The following SOX5 variants were observed in gnomAD, a reference collection of about 807,000 sequenced individuals.
The protein encoded by SOX5 is SRY-box transcription factor 5.
SOX5 carries 9 observed loss-of-function variants against 92.0 expected under a neutral mutation model. The observed-to-expected ratio is 0.10, with a 90% confidence interval of 0.06 to 0.17. The LOEUF is 0.17. Among genes scored for constraint, SOX5 ranks in the 10% least tolerant of loss-of-function variants. SOX5 has a pLI of 1.00. For synonymous variants in SOX5, 344 were observed against 336.3 expected, an observed-to-expected ratio of 1.02 and a Z score of -0.25; for missense variants, 642 against 944.5, an observed-to-expected ratio of 0.68 and a Z score of 4.20.
intron 2 of SOX5, among the ~76,000 whole-genome samples, chr12:23,894,354 C>T (rs1047178372): frequency 2.3e-4 from 35 of 152,142 alleles, no homozygotes; most frequent in Middle Eastern, 3.4e-3. Context: ...CAACTTCCCA[C>T]GTAGCTGGGA....
intron 3 of SOX5, among the ~76,000 whole-genome samples, chr12:23,804,502 G>A (rs2095721011): frequency 6.6e-6 from 1 of 152,036 alleles, no homozygotes; most frequent in African/African-American, 2.4e-5. Flanking sequence ...AGCTTTTCAG[G>A]TCCTAACCCA....
chr12:23,618,448 A>T (rs1233321483), intron 8 of SOX5, among the ~76,000 whole-genome samples: 1 of 152,142 alleles, frequency 6.6e-6, no homozygotes, highest in Non-Finnish European at 1.5e-5. Flanking sequence ...TTCTAACTCA[A>T]TATAAAGACA....
intron 1 of SOX5, among the ~76,000 whole-genome samples, chr12:23,933,806 A>C (rs968483201): frequency 2.0e-5 from 3 of 151,552 alleles, no homozygotes; most frequent in Non-Finnish European, 4.4e-5. Flanking sequence ...ACCTGGAGCA[A>C]ATTTAAGGAC....
intron 1 of SOX5, among the ~76,000 whole-genome samples, chr12:24,374,231 G>T (rs371271303): frequency 6.6e-6 from 1 of 152,018 alleles, no homozygotes; most frequent in Non-Finnish European, 1.5e-5. Context: ...AAAGGAATCC[G>T]CAGCCCTGTG....
intron 1 of SOX5, among the ~76,000 whole-genome samples, chr12:24,413,497 G>A (rs1012447820): frequency 6.6e-6 from 1 of 152,138 alleles, no homozygotes; most frequent in African/African-American, 2.4e-5. Context: ...AACTTCTGAT[G>A]ACAATGAACT....
chr12:24,373,533 C>T (rs1956951466), intron 1 of SOX5, among the ~76,000 whole-genome samples: 1 of 152,046 alleles, frequency 6.6e-6, no homozygotes, highest in Non-Finnish European at 1.5e-5. Context: ...TTTTTATCAC[C>T]ACAATAAATA....
intron 13 of SOX5, among the ~76,000 whole-genome samples, chr12:23,539,234 C>A (rs1446887444): frequency 3.9e-5 from 6 of 152,028 alleles, no homozygotes; most frequent in African/African-American, 1.2e-4. Context: ...CCTTGGAATG[C>A]GAGAGCTGTT....
At chr12:23,727,554 C>T (rs1400900407) in intron 6 of SOX5, among the ~76,000 whole-genome samples, 1 of 152,010 alleles carries the variant, frequency 6.6e-6, no homozygotes, top group African/African-American at 2.4e-5. Context: ...TCAAGGAACA[C>T]TTTATACTTG....
At chr12:23,887,854 A>G (rs1202091890) in intron 2 of SOX5, among the ~76,000 whole-genome samples, 1 of 151,870 alleles carries the variant, frequency 6.6e-6, no homozygotes, top group African/African-American at 2.4e-5. Context: ...TATGGCAAAA[A>G]CAAAACTATA....
chr12:24,302,322 T>C lies in SOX5; in HGVS notation c.-173-25010A>G, dbSNP rs185031291. ...ATCTGCTTATATGAATTTAACATTG[T>C]TATAGGTCTATTCACAAATATCTTG... On this transcript the variant is annotated intron_variant, in intron 2 of 4. Transcript: ENST00000446891. 1.4e-3 allele frequency among the ~76,000 whole-genome samples: 209 copies of C among 152,338 alleles called. 1 individual carries two copies. The highest frequency in any genetic ancestry group is 6.8e-3 in the Middle Eastern group (2 of 294).
intron 2 of SOX5, among the ~76,000 whole-genome samples, chr12:24,288,938 G>GTCTTCT (rs79158528): frequency 0.96 from 145,803 of 152,132 alleles, 70,202 homozygotes; most frequent in East Asian, 1. Flanking sequence ...GTCTCATGAT[G>GTCTTCT]GGAGGTATCT....
intron 1 of SOX5, among the ~76,000 whole-genome samples, chr12:23,911,908 G>A (rs1210718582): frequency 1.3e-5 from 2 of 152,060 alleles, no homozygotes; most frequent in Admixed American, 6.6e-5. Flanking sequence ...TGCTACATTC[G>A]ACACCAAACA....
intron 4 of SOX5, among the ~76,000 whole-genome samples, chr12:24,172,258 C>A (rs768070433): frequency 6.6e-6 from 1 of 151,966 alleles, no homozygotes; most frequent in Non-Finnish European, 1.5e-5. Flanking sequence ...CAGTTTGGGC[C>A]GGGCGCAGTG....
chr12:23,875,912 G>A (rs761399105), intron 2 of SOX5, among the ~76,000 whole-genome samples: 65 of 152,064 alleles, frequency 4.3e-4, no homozygotes, highest in Non-Finnish European at 7.9e-4. Context: ...ACAAGCTATC[G>A]GGCCTCTATT....
At chr12:23,991,425 A>G (rs1950549590) in intron 4 of SOX5, among the ~76,000 whole-genome samples, 1 of 151,896 alleles carries the variant, frequency 6.6e-6, no homozygotes, top group Admixed American at 6.6e-5. Context: ...AAATATATTG[A>G]TATTTCTGCA....
At position 23,600,552 on chromosome 12, in the gene SOX5, T is replaced by TATATATATATATATAC. The variant is rs745640453; in HGVS notation, c.1164+3834_1164+3835insGTATATATATATATAT. Among the ~76,000 whole-genome samples, 891 of 94,988 alleles carry TATATATATATATATAC rather than the reference T, an allele frequency of 9.4e-3. 10 individuals carry two copies. Among genetic ancestry groups the TATATATATATATATAC allele is most frequent in the Non-Finnish European group, 0.012 (487 of 42,046 alleles). The allele number at this position is 94,988 out of a possible 152,430, so 62.3% of individuals were successfully genotyped here. A position where few individuals can be genotyped will look rare whatever the true frequency, so the allele number is the denominator to read the frequency against. ...ATATATATATATATATATATATATATACACATACTTGGCTTGGGACTAAAA... is the reference window on the plus strand; with the variant it reads ...ATATATATATATATATATATATATATATATATATATATATACACACATACTTGGCTTGGGACTAAAA... On this transcript the variant is annotated intron_variant, in intron 9 of 14. Transcript: ENST00000451604.
chr12:23,600,875 A>G (rs540584875), intron 9 of SOX5, among the ~76,000 whole-genome samples: 1 of 152,158 alleles, frequency 6.6e-6, no homozygotes, highest in South Asian at 2.1e-4. Context: ...CAGCACTCGT[A>G]TAACACCACA....
chr12:24,344,150 G>A (rs1952916778), intron 2 of SOX5, among the ~76,000 whole-genome samples: 1 of 151,774 alleles, frequency 6.6e-6, no homozygotes, highest in South Asian at 2.1e-4. Flanking sequence ...GGGCGTGGTG[G>A]GACATGCCTC....
intron 1 of SOX5, among the ~76,000 whole-genome samples, chr12:24,529,881 G>T (rs1300281914): frequency 6.6e-6 from 1 of 152,066 alleles, no homozygotes; most frequent in African/African-American, 2.4e-5. Flanking sequence ...TTAGCTAGGC[G>T]TGGTGGCGGG....
Sources: gnomAD v4.1 joint callset for allele counts (sites outside exome capture counted in the v4.1 genomes callset) on GRCh38, gnomAD v4.1.1 for gene constraint, MANE v1.5 for transcripts, NCBI Gene and HGNC (gene_info 2026-07-23, HGNC 2026-07-21) for gene names.